TTLL5: variants seen among roughly 807,000 people sequenced by gnomAD.
TTLL5 encodes the protein tubulin polyglutamylase TTLL5.
A neutral mutation model predicts 168.4 loss-of-function variants in TTLL5; 132 were observed. The observed-to-expected ratio is 0.78, with a 90% CI of 0.68 to 0.91. The LOEUF is 0.91. TTLL5 is among the 40% of genes least tolerant of loss of function. TTLL5 has a pLI of 0.00. For synonymous variants in TTLL5, 546 were observed against 558.6 expected, an observed-to-expected ratio of 0.98 and a Z score of 0.32; for missense variants, 1,545 against 1,581.5, an observed-to-expected ratio of 0.98 and a Z score of 0.39.
chr14:75,746,947 C>T (rs1244634332), intron 17 of TTLL5, among the ~76,000 whole-genome samples: 4 of 152,116 alleles, frequency 2.6e-5, no homozygotes, highest in African/African-American at 9.7e-5. Flanking sequence ...CATTGAGCTT[C>T]TTCATCTATG....
chr14:75,830,578 ATAAT>A (rs1895504350), intron 28 of TTLL5, among the ~76,000 whole-genome samples: 1 of 152,222 alleles, frequency 6.6e-6, no homozygotes. Flanking sequence ...TTTCATTAAA[ATAAT>A]TAATGAAACA....
At chr14:75,824,044 T>G (rs369091720) in intron 28 of TTLL5, among the ~76,000 whole-genome samples, 1 of 152,244 alleles carries the variant, frequency 6.6e-6, no homozygotes, top group South Asian at 2.1e-4. Context: ...CTCTAACTTC[T>G]CATCTTTTCA....
chr14:75,782,760 T>C (rs1015376998), intron 25 of TTLL5, among the ~76,000 whole-genome samples, 187 bp downstream of exon 25: 1 of 152,196 alleles, frequency 6.6e-6, no homozygotes, highest in African/African-American at 2.4e-5. Flanking sequence ...AAAGACTTTT[T>C]CGTTTTCTTA....
intron 27 of TTLL5, among the ~76,000 whole-genome samples, chr14:75,801,905 A>G (rs565423498): frequency 1.3e-5 from 2 of 152,292 alleles, no homozygotes; most frequent in African/African-American, 4.8e-5. Context: ...TCCAGTCAGA[A>G]AGTGGTGAGA....
At chr14:75,746,762 C>T (rs1359975646) in intron 17 of TTLL5, among the ~76,000 whole-genome samples, 1 of 152,016 alleles carries the variant, frequency 6.6e-6, no homozygotes, top group African/African-American at 2.4e-5. Context: ...TGGGGTCTCC[C>T]CATGTTGCCC....
At chr14:75,881,919 A>G (rs886454479) in intron 29 of TTLL5, among the ~76,000 whole-genome samples, 5 of 152,146 alleles carry the variant, frequency 3.3e-5, no homozygotes, top group East Asian at 1.9e-4. Context: ...TCCTAATTAT[A>G]TATGTTGACA....
At chr14:75,857,250 T>A (rs1056899836) in intron 28 of TTLL5, among the ~76,000 whole-genome samples, 2 of 152,206 alleles carry the variant, frequency 1.3e-5, no homozygotes, top group Non-Finnish European at 2.9e-5. Flanking sequence ...TATTAATATA[T>A]GACTTTTCTT....
In TTLL5 at chr14:75,709,505, C is replaced by T. The variant is rs562447951; in HGVS notation, c.740+1798C>T. On this transcript the variant is annotated intron_variant, in intron 9 of 31. Coordinates refer to ENST00000298832, the MANE Select transcript of TTLL5 (RefSeq NM_015072.5). ...ACTACCAAAACTCCCTAGTTCTGGCCTCTTCCTTGAAAATTGAGAAAGGGA... is the reference window on the plus strand; with the variant it reads ...ACTACCAAAACTCCCTAGTTCTGGCTTCTTCCTTGAAAATTGAGAAAGGGA... 8.4e-4 allele frequency: 252 copies of T among 298,522 alleles called. 1 individual carries two copies. The highest frequency in any genetic ancestry group is 1.9e-3 in the South Asian group (37 of 19,384). The allele number at this position is 298,522 out of a possible 1,614,324, so 18.5% of individuals were successfully genotyped here. A position where few individuals can be genotyped will look rare whatever the true frequency, so the allele number is the denominator to read the frequency against.
chr14:75,817,830 C>CTTTTTTTTTCTT (rs1894534171), intron 27 of TTLL5, among the ~76,000 whole-genome samples: 1 of 83,860 alleles, frequency 1.2e-5, no homozygotes, highest in Non-Finnish European at 2.1e-5. Context: ...CTTTTCTTTT[C>CTTTTTTTTTCTT]TTTTTTTTTT....
At chr14:75,833,472 TGTAGTTAA>T (rs1236183505) in intron 28 of TTLL5, among the ~76,000 whole-genome samples, 1 of 152,204 alleles carries the variant, frequency 6.6e-6, no homozygotes, top group Non-Finnish European at 1.5e-5. Context: ...TTTGAAAGCA[TGTAGTTAA>T]GAGGCAGACC....
chr14:75,677,406 T>G (rs1231107748), intron 3 of TTLL5, among the ~76,000 whole-genome samples: 1 of 144,256 alleles, frequency 6.9e-6, no homozygotes, highest in African/African-American at 2.6e-5. Context: ...TTTTTTTTTT[T>G]TTTTTTTGAG....
intron 30 of TTLL5, among the ~76,000 whole-genome samples, chr14:75,900,531 C>G (rs978071799): frequency 1.2e-4 from 18 of 152,290 alleles, no homozygotes; most frequent in African/African-American, 3.4e-4. Context: ...TGTCCCCAGG[C>G]TCACCTGGAA....
At chr14:75,948,850 C>T (rs2034862000) in intron 31 of TTLL5, among the ~76,000 whole-genome samples, 1 of 152,018 alleles carries the variant, frequency 6.6e-6, no homozygotes, top group South Asian at 2.1e-4. Flanking sequence ...GGGATGAGTA[C>T]AATTTTAATA....
chr14:75,717,089 ATT>A (rs552662470), intron 9 of TTLL5, among the ~76,000 whole-genome samples: 1 of 147,192 alleles, frequency 6.8e-6, no homozygotes, highest in South Asian at 2.2e-4. Flanking sequence ...CTTTTTGCTT[ATT>A]TTTTTTTTCA....
intron 28 of TTLL5, among the ~76,000 whole-genome samples, chr14:75,835,748 C>T (rs1470390376): frequency 6.6e-6 from 1 of 152,142 alleles, no homozygotes; most frequent in Non-Finnish European, 1.5e-5. Flanking sequence ...CCTGAACAGA[C>T]ATTTGTCAAA....
intron 12 of TTLL5, among the ~76,000 whole-genome samples, chr14:75,729,959 G>A (rs886899686): frequency 1.3e-5 from 2 of 152,060 alleles, no homozygotes; most frequent in African/African-American, 2.4e-5. Context: ...CTTAAATAGT[G>A]GGTTTCATTG....
chr14:75,787,775 C>T (rs1189078289), intron 26 of TTLL5, among the ~76,000 whole-genome samples: 1 of 152,176 alleles, frequency 6.6e-6, no homozygotes. Context: ...ATTGCAGAGA[C>T]TTGGTATCAC....
chr14:75,712,306 A>G (rs561934969), intron 9 of TTLL5: 3 of 151,464 alleles, frequency 2.0e-5, no homozygotes, highest in East Asian at 3.9e-4. Flanking sequence ...AAATGCCTAC[A>G]CCTGTTGAAG....
chr14:75,775,573 G>A lies in TTLL5; in HGVS notation c.2226G>A (p.Leu742=). The change falls in exon 22 of 32, where the codon CTG becomes CTA. Residue 742 remains leucine, a synonymous_variant. Transcript: ENST00000298832. ...MVLPSRRLAL[L]ERRRILAHQL... is the part of the protein sequence containing the mutation. ...TACCCAGTCGACGATTGGCACTTCT[G>A]GAACGCAGAAGAATCCTGGCCCACC... 6.2e-7 allele frequency: 1 copy of A among 1,614,060 alleles called. No homozygotes were observed. Among genetic ancestry groups the A allele is most frequent in the Non-Finnish European group, 8.5e-7 (1 of 1,179,992 alleles).
Sources: allele counts gnomAD v4.1 joint callset (sites outside exome capture counted in the v4.1 genomes callset), GRCh38; gene constraint gnomAD v4.1.1; transcripts MANE v1.5; gene names NCBI Gene and HGNC (gene_info 2026-07-23, HGNC 2026-07-21).